FLT1: variants seen among roughly 807,000 people sequenced by gnomAD.
FLT1 encodes vascular endothelial growth factor receptor 1.
In FLT1, 49 loss-of-function variants were observed where a neutral mutation model predicts 156.3. The observed-to-expected ratio is 0.31, with a 90% CI of 0.25 to 0.40. FLT1 has a LOEUF of 0.40. FLT1 is among the 10% of genes least tolerant of loss of function. The pLI is 1.00. For missense variants in FLT1, 1,322 were observed against 1,637.2 expected (o/e 0.81, Z 3.32); for synonymous variants, 594 against 583.8 (o/e 1.02, Z -0.25).
chr13:28,308,568 A>T, intron 28 of FLT1: 1 of 447,004 alleles, frequency 2.2e-6, no homozygotes, highest in Non-Finnish European at 4.2e-6. Flanking sequence ...ACTGACAGCT[A>T]AGCAGCTTAG....
chr13:28,393,167 G>C (rs1371479377), intron 12 of FLT1, among the ~76,000 whole-genome samples: 3 of 152,070 alleles, frequency 2.0e-5, no homozygotes, highest in Non-Finnish European at 4.4e-5. Flanking sequence ...TCACATCCAT[G>C]GCATCTTATG....
At chr13:28,431,338 G>A in intron 6 of FLT1, 28 bp from the exon 7 acceptor site, 1 of 1,520,276 alleles carries the variant, frequency 6.6e-7, no homozygotes, top group Non-Finnish European at 9.1e-7. Flanking sequence ...AACAAATGTA[G>A]AAGGAGTGAG....
At chr13:28,427,946 A>G (rs1877448035) in intron 8 of FLT1, 25 bp from the exon 9 acceptor site, 1 of 1,607,162 alleles carries the variant, frequency 6.2e-7, no homozygotes, top group South Asian at 1.1e-5. Flanking sequence ...ATGATCAGTA[A>G]GTCATTTCAC....
At chr13:28,418,685 T>C (rs1168904106) in intron 10 of FLT1, among the ~76,000 whole-genome samples, 1 of 152,082 alleles carries the variant, frequency 6.6e-6, no homozygotes, top group African/African-American at 2.4e-5. Flanking sequence ...CGTCTCAGCC[T>C]CCTGAGTAGC....
chr13:28,460,619 T>C (rs1414980792), intron 3 of FLT1, among the ~76,000 whole-genome samples: 3 of 151,900 alleles, frequency 2.0e-5, no homozygotes, highest in Non-Finnish European at 4.4e-5. Context: ...CTGCCACATT[T>C]TCTCCAGACC....
At chr13:28,396,459 CA>C (rs1467098984) in intron 12 of FLT1, among the ~76,000 whole-genome samples, 2 of 152,066 alleles carry the variant, frequency 1.3e-5, no homozygotes, top group East Asian at 1.9e-4. Flanking sequence ...TAAATGCTAT[CA>C]AAAAATAGCA....
chr13:28,431,184 T>C lies in FLT1; in HGVS notation c.940A>G (p.Arg314Gly). Residue 314 changes from arginine to glycine, a missense_variant, in exon 7 of 30, where the codon AGG (arginine) becomes GGG (glycine). Transcript: ENST00000282397. ...ACAGATTTGAATGATGGTCCACTCC[T>C]TACACGACAAGTATAAAGTCCTTTG... ...KDKGLYTCRV[R>G]SGPSFKSVNT... The C allele has an allele frequency of 6.2e-7, 1 of 1,613,846 alleles. No homozygotes were observed. The highest frequency in any genetic ancestry group is 8.5e-7 in the Non-Finnish European group (1 of 1,179,736).
intron 3 of FLT1, among the ~76,000 whole-genome samples, chr13:28,449,344 C>T (rs1473530670): frequency 6.6e-6 from 1 of 152,154 alleles, no homozygotes; most frequent in Non-Finnish European, 1.5e-5. Context: ...AACATCTCTG[C>T]CTTCACATAG....
intron 13 of FLT1, chr13:28,386,311 A>C (rs1254816599): frequency 1.3e-5 from 13 of 1,030,674 alleles, no homozygotes; most frequent in Non-Finnish European, 1.5e-5. Context: ...TCCCAGGTTA[A>C]AATGTATATT....
chr13:28,355,417 C>T (rs1022511491), intron 15 of FLT1, among the ~76,000 whole-genome samples: 1 of 152,186 alleles, frequency 6.6e-6, no homozygotes, highest in African/African-American at 2.4e-5. Context: ...ATATGTCAGA[C>T]AGTACTGTCT....
chr13:28,430,823 A>C (rs2137545976), intron 7 of FLT1, among the ~76,000 whole-genome samples: 1 of 152,304 alleles, frequency 6.6e-6, no homozygotes, highest in East Asian at 1.9e-4. Context: ...AATAAAGATA[A>C]AACTCATCAT....
At chr13:28,461,135 G>C (rs1276617837) in intron 3 of FLT1, among the ~76,000 whole-genome samples, 1 of 143,468 alleles carries the variant, frequency 7.0e-6, no homozygotes, top group Admixed American at 6.8e-5. Context: ...CCAGCTCCTA[G>C]CTTTTTTTTT....
chr13:28,461,103 G>A (rs1019437658), intron 3 of FLT1, among the ~76,000 whole-genome samples: 1 of 151,236 alleles, frequency 6.6e-6, no homozygotes, highest in African/African-American at 2.4e-5. Flanking sequence ...CTCCTAAATA[G>A]CTGAGACTAC....
intron 14 of FLT1, among the ~76,000 whole-genome samples, chr13:28,371,068 T>G (rs1185818280): frequency 4.6e-5 from 7 of 152,218 alleles, no homozygotes; most frequent in Admixed American, 4.6e-4. Flanking sequence ...AACAATACGT[T>G]TTGACATAGA....
chr13:28,307,833 G>A (rs532228358), intron 28 of FLT1, among the ~76,000 whole-genome samples: 2 of 151,318 alleles, frequency 1.3e-5, no homozygotes, highest in African/African-American at 4.9e-5. Flanking sequence ...GTGCAGTGGC[G>A]CGATCTCGGC....
chr13:28,328,182 C>T (rs919630849), intron 19 of FLT1: 1 of 152,346 alleles, frequency 6.6e-6, no homozygotes, highest in Non-Finnish European at 1.5e-5. Flanking sequence ...AAACTATGAA[C>T]ACAGAGATTG....
intron 10 of FLT1, among the ~76,000 whole-genome samples, chr13:28,409,331 A>G (rs1351590425): frequency 6.6e-6 from 1 of 151,676 alleles, no homozygotes; most frequent in African/African-American, 2.4e-5. Flanking sequence ...ACAGAGGTCA[A>G]ACCTACGATC....
chr13:28,313,274 C>T (rs1340230816), intron 25 of FLT1, among the ~76,000 whole-genome samples: 7 of 152,152 alleles, frequency 4.6e-5, no homozygotes, highest in Non-Finnish European at 8.8e-5. Flanking sequence ...CCACTGCGCC[C>T]GGCCTCTTCT....
intron 1 of FLT1, 137 bp from the exon 2 acceptor site, chr13:28,467,754 C>T: frequency 1.6e-6 from 1 of 609,684 alleles, no homozygotes; most frequent in South Asian, 2.1e-5. Context: ...AATTTATAAG[C>T]AAAAGATACA....
Sources: allele counts gnomAD v4.1 joint callset (sites outside exome capture counted in the v4.1 genomes callset), GRCh38; gene constraint gnomAD v4.1.1; transcripts MANE v1.5; gene names NCBI Gene and HGNC (gene_info 2026-07-23, HGNC 2026-07-21).